GLYATL2: variants seen among roughly 807,000 people sequenced by gnomAD.
GLYATL2 encodes glycine-N-acyltransferase like 2.
GLYATL2 carries 25 observed loss-of-function variants against 21.4 expected under a neutral mutation model. The ratio of observed to expected loss-of-function variants is 1.17; its 90% CI spans 0.85 to 1.63. The LOEUF is 1.63. Among genes scored for constraint, GLYATL2 ranks in the 40% most tolerant of loss-of-function variants. The pLI is 0.00. For synonymous variants in GLYATL2, 114 were observed against 118.2 expected, an observed-to-expected ratio of 0.96 and a Z score of 0.23; for missense variants, 361 against 343.3, an observed-to-expected ratio of 1.05 and a Z score of -0.41.
intron 1 of GLYATL2, among the ~76,000 whole-genome samples, chr11:58,894,476 C>CA (rs1554980634): frequency 0.024 from 2,750 of 116,554 alleles, 134 homozygotes; most frequent in African/African-American, 0.077. Context: ...GCAGCTATAG[C>CA]AAAAAAAAAA....
At chr11:58,834,861 T>C (rs767186891) in intron 5 of GLYATL2, 24 bp from the exon 6 acceptor site, 3 of 1,524,590 alleles carry the variant, frequency 2.0e-6, no homozygotes, top group Admixed American at 2.1e-5. Flanking sequence ...GAATTTTACA[T>C]TTATTCAGCC....
chr11:58,898,792 C>T (rs749318442), intron 1 of GLYATL2, among the ~76,000 whole-genome samples: 1 of 151,996 alleles, frequency 6.6e-6, no homozygotes, highest in Non-Finnish European at 1.5e-5. Flanking sequence ...GAGATCGCGC[C>T]ACTGCACTTC....
chr11:58,837,331 A>G lies in GLYATL2; in HGVS notation c.253T>C (p.Leu85=), dbSNP rs377630386. ...TTGGAGTATGACAGGACTTCCTCTA[A>G]TTTGTCAGGAGCTTTGGTGAAGATG... ...YHIFTKAPDK[L]EEVLSYSNVI... The change falls in exon 4 of 6, where the codon TTA becomes CTA. Residue 85 remains leucine, a synonymous_variant. Transcript: ENST00000287275. The G allele has an allele frequency of 1.9e-6, 3 of 1,613,806 alleles. No homozygotes were observed. The highest frequency in any genetic ancestry group is 2.7e-5 in the African/African-American group (2 of 74,932).
Position 58,837,336 on chromosome 11 carries a change from T to A in GLYATL2, c.248A>T (p.Asp83Val). 1 of 1,613,958 alleles carries A rather than the reference T, an allele frequency of 6.2e-7. No individual in the cohort carries two copies. Among genetic ancestry groups the A allele is most frequent in the Non-Finnish European group, 8.5e-7 (1 of 1,179,832 alleles). ...GTATGACAGGACTTCCTCTAATTTGTCAGGAGCTTTGGTGAAGATGTGGTA... is the reference window on the plus strand; with the variant it reads ...GTATGACAGGACTTCCTCTAATTTGACAGGAGCTTTGGTGAAGATGTGGTA... ...NTYHIFTKAP[D>V]KLEEVLSYSN... The change falls in exon 4 of 6, where the codon GAC (aspartate) becomes GTC (valine). Residue 83 changes from aspartate (D) to valine (V), a missense_variant. Physicochemically the swap from Asp to Val is radical, Grantham distance 152. Transcript: ENST00000287275.
rs888631830 is a variant in GLYATL2, at chr11:58,888,815, T to A, written n.60+15341A>T. ...ACATTATGCAATGTACACAATTGCA[T>A]AATGTACAACCTAAGAAAGTTTTTC... On this transcript the variant is annotated intron_variant and non_coding_transcript_variant, in intron 1 of 4. Transcript: ENST00000533636. Among the ~76,000 whole-genome samples the A allele has an allele frequency of 3.3e-5, 5 of 152,084 alleles. No individual in the cohort carries two copies. The South Asian group carries it at 1.0e-3, about 32-fold the overall frequency.
At position 58,834,512 on chromosome 11, in the gene GLYATL2, G is replaced by A; in HGVS notation, c.802C>T (p.Leu268=). The A allele has an allele frequency of 1.2e-5, 20 of 1,613,674 alleles. No homozygotes were observed. Among genetic ancestry groups the A allele is most frequent in the Non-Finnish European group, 1.7e-5 (20 of 1,179,688 alleles). Residue 268 remains leucine, a synonymous_variant, in exon 6 of 6, where the codon CTA becomes TTA. Transcript: ENST00000287275. ...AACCCCAAATTGTTCAGTGCCTGTA[G>A]GCTTTTCTCATTATTATCTGCCACA... ...FHVADNNEKS[L]QALNNLGFKI...
chr11:58,874,310 T>G (rs1854185422), intron 1 of GLYATL2, among the ~76,000 whole-genome samples: 3 of 152,204 alleles, frequency 2.0e-5, no homozygotes, highest in Admixed American at 2.0e-4. Context: ...CTGATCTTAG[T>G]TATTTCTTGC....
intron 1 of GLYATL2, among the ~76,000 whole-genome samples, chr11:58,865,126 C>A (rs1854002031): frequency 7.6e-6 from 1 of 131,124 alleles, no homozygotes. Flanking sequence ...CTATGTCAGT[C>A]ATACCACAAT....
rs1854047737 is a variant in GLYATL2, at chr11:58,867,831, G to A, written n.61-29463C>T. ...TGAACCACAGACTAGATATATCAGA[G>A]AAGTGGACTTGGAGAATCCCCTGCT... On this transcript the variant is annotated intron_variant and non_coding_transcript_variant, in intron 1 of 4. Coordinates refer to the GLYATL2 transcript ENST00000533636. Among the ~76,000 whole-genome samples the A allele has an allele frequency of 1.3e-5, 2 of 148,942 alleles. 1 individual carries two copies. The highest frequency in any genetic ancestry group is 1.4e-4 in the Admixed American group (2 of 14,434).
upstream of GLYATL2, among the ~76,000 whole-genome samples, chr11:58,846,094 CT>C (rs1853637537): frequency 6.6e-6 from 1 of 152,026 alleles, no homozygotes; most frequent in African/African-American, 2.4e-5. Context: ...ACTAATCATC[CT>C]TTTTAAAAAA....
At chr11:58,870,548 C>A (rs905788179) in intron 1 of GLYATL2, among the ~76,000 whole-genome samples, 6 of 152,156 alleles carry the variant, frequency 3.9e-5, no homozygotes, top group African/African-American at 1.2e-4. Flanking sequence ...TAAAGACATT[C>A]TCCATCCAGA....
chr11:58,837,631 CCATTGT>C (rs1483231110), intron 3 of GLYATL2, among the ~76,000 whole-genome samples: 1 of 152,056 alleles, frequency 6.6e-6, no homozygotes, highest in African/African-American at 2.4e-5. Context: ...GTAAATAACT[CCATTGT>C]CTAGAATGGG....
At chr11:58,877,339 C>T (rs897111918) in intron 1 of GLYATL2, among the ~76,000 whole-genome samples, 5 of 152,208 alleles carry the variant, frequency 3.3e-5, no homozygotes, top group Non-Finnish European at 7.3e-5. Flanking sequence ...GTTGGAAATG[C>T]AGAAATCATC....
chr11:58,863,410 G>A (rs1005599958), intron 1 of GLYATL2, among the ~76,000 whole-genome samples: 4 of 152,176 alleles, frequency 2.6e-5, no homozygotes, highest in African/African-American at 4.8e-5. Context: ...GGTAGATGGG[G>A]GCTGACCTTG....
intron 1 of GLYATL2, among the ~76,000 whole-genome samples, chr11:58,877,760 A>T (rs1387818501): frequency 1.3e-5 from 2 of 152,220 alleles, no homozygotes; most frequent in Non-Finnish European, 2.9e-5. Context: ...TCCCAATTAG[A>T]TAAGATTAGG....
chr11:58,851,755 T>C (rs1021747951), intron 1 of GLYATL2, among the ~76,000 whole-genome samples: 1 of 152,170 alleles, frequency 6.6e-6, no homozygotes, highest in Admixed American at 6.5e-5. Context: ...AAAAGATTCA[T>C]AAGTAATGTT....
intron 1 of GLYATL2, among the ~76,000 whole-genome samples, chr11:58,890,959 A>G (rs1160233894): frequency 1.3e-5 from 2 of 151,972 alleles, no homozygotes; most frequent in Non-Finnish European, 2.9e-5. Flanking sequence ...TTTCATTTTT[A>G]TAAATAGCTC....
intron 1 of GLYATL2, among the ~76,000 whole-genome samples, chr11:58,903,121 C>G (rs996199194): frequency 2.6e-5 from 4 of 152,132 alleles, no homozygotes; most frequent in Admixed American, 1.3e-4. Context: ...AGCTGTTACT[C>G]CAATGATGAG....
At chr11:58,880,083 C>T (rs1444658467) in intron 1 of GLYATL2, among the ~76,000 whole-genome samples, 4 of 152,146 alleles carry the variant, frequency 2.6e-5, no homozygotes, top group Non-Finnish European at 5.9e-5. Context: ...TAGTCTCGAT[C>T]TCCTGACCTC....
Sources: allele counts gnomAD v4.1 joint callset (sites outside exome capture counted in the v4.1 genomes callset), GRCh38; gene constraint gnomAD v4.1.1; transcripts MANE v1.5; gene names NCBI Gene and HGNC (gene_info 2026-07-23, HGNC 2026-07-21).